Variants in SUMF1 observed in about 807,000 individuals in gnomAD.
SUMF1 encodes formylglycine-generating enzyme.
A neutral mutation model predicts 47.6 loss-of-function variants in SUMF1; 48 were observed. The observed-to-expected ratio is 1.01, with a 90% CI of 0.80 to 1.28. The LOEUF (loss-of-function observed/expected upper bound fraction) is 1.28. Ranked by LOEUF, SUMF1 falls within the 50% of genes most tolerant of loss-of-function variation. The pLI is 0.00. For missense variants in SUMF1, 571 were observed against 485.4 expected (o/e 1.18, Z -1.66); for synonymous variants, 230 against 192.1 (o/e 1.20, Z -1.63).
intron 8 of SUMF1, among the ~76,000 whole-genome samples, chr3:4,165,687 G>C (rs566994044): frequency 6.6e-5 from 10 of 152,182 alleles, no homozygotes; most frequent in Non-Finnish European, 1.0e-4. Context: ...TTCCCCATCA[G>C]AGAGAGAATA....
intron 7 of SUMF1, among the ~76,000 whole-genome samples, chr3:4,394,040 G>T (rs115898642): frequency 1.4e-4 from 21 of 152,106 alleles, no homozygotes; most frequent in Non-Finnish European, 2.6e-4. Context: ...TGTAAATGCT[G>T]ACTGAGTATT....
At chr3:4,143,980 T>TTC (rs200936820) in intron 8 of SUMF1, among the ~76,000 whole-genome samples, 1 of 144,982 alleles carries the variant, frequency 6.9e-6, no homozygotes, top group African/African-American at 2.6e-5. Flanking sequence ...GACCACTGTC[T>TTC]TCTCTCTCTT....
intron 8 of SUMF1, among the ~76,000 whole-genome samples, chr3:4,340,750 G>C (rs1166720978): frequency 6.6e-6 from 1 of 152,192 alleles, no homozygotes; most frequent in African/African-American, 2.4e-5. Flanking sequence ...GTGAGAGCAA[G>C]AATGACTCTG....
intron 8 of SUMF1, among the ~76,000 whole-genome samples, chr3:4,284,251 C>CA (rs995919173): frequency 1.4e-3 from 204 of 143,332 alleles, no homozygotes; most frequent in Non-Finnish European, 2.2e-3. Flanking sequence ...CCCATTTCTA[C>CA]AAAAAAAAAA....
chr3:4,138,736 G>C (rs759796495), intron 8 of SUMF1, among the ~76,000 whole-genome samples: 8 of 151,958 alleles, frequency 5.3e-5, no homozygotes, highest in Non-Finnish European at 7.4e-5. Context: ...TCCTTTGCCT[G>C]GTTCTAATTT....
intron 8 of SUMF1, among the ~76,000 whole-genome samples, chr3:4,273,776 G>GGGGAGGATACGGGAGGGGAGGATACGGGA (rs1697355733): frequency 1.1e-5 from 1 of 89,586 alleles, no homozygotes; most frequent in African/African-American, 4.5e-5. Context: ...GGATACGGGA[G>GGGGAGGATACGGGAGGGGAGGATACGGGA]GGGAGGATAC....
At chr3:4,066,092 AG>A (rs1324574138) in intron 9 of SUMF1, among the ~76,000 whole-genome samples, 2 of 152,100 alleles carry the variant, frequency 1.3e-5, no homozygotes. Flanking sequence ...AGGGTAGGGA[AG>A]GGTGAAAAGT....
At chr3:4,408,817 A>C (rs1701453607) in intron 7 of SUMF1, among the ~76,000 whole-genome samples, 1 of 151,738 alleles carries the variant, frequency 6.6e-6, no homozygotes. Flanking sequence ...CTAAAAATAC[A>C]AAAATTAGCT....
chr3:4,316,742 T>C, intron 8 of SUMF1: 1 of 1,550,718 alleles, frequency 6.4e-7, no homozygotes, highest in Non-Finnish European at 8.7e-7. Flanking sequence ...AAGAAGAAGC[T>C]CCAAAGCACT....
chr3:4,063,456 G>A (rs1173324372), intron 9 of SUMF1, among the ~76,000 whole-genome samples: 1 of 152,082 alleles, frequency 6.6e-6, no homozygotes, highest in Non-Finnish European at 1.5e-5. Flanking sequence ...ACCCCAAAGT[G>A]AACATGGGAT....
chr3:4,128,216 C>T (rs978737889), intron 8 of SUMF1, among the ~76,000 whole-genome samples: 1 of 152,160 alleles, frequency 6.6e-6, no homozygotes, highest in African/African-American at 2.4e-5. Flanking sequence ...GAGCTCTTAT[C>T]ATGCGAGTGA....
At chr3:4,293,488 C>G (rs1003783987) in intron 8 of SUMF1, among the ~76,000 whole-genome samples, 1 of 152,186 alleles carries the variant, frequency 6.6e-6, no homozygotes, top group African/African-American at 2.4e-5. Flanking sequence ...GAAATCACTT[C>G]TATGACCATT....
At chr3:4,049,915 A>G (rs1263088001) in intron 9 of SUMF1, among the ~76,000 whole-genome samples, 3 of 151,864 alleles carry the variant, frequency 2.0e-5, no homozygotes, top group Non-Finnish European at 4.4e-5. Flanking sequence ...TGGAAGGGGG[A>G]TGGAGTGGGA....
In SUMF1 at chr3:4,467,093, G is replaced by GCCGCAAGAAC; in HGVS notation, c.143_152dup (p.Cys52PhefsTer27). 6.4e-7 allele frequency: 1 copy of GCCGCAAGAAC among 1,562,206 alleles called. No individual in the cohort carries two copies. Among genetic ancestry groups the GCCGCAAGAAC allele is most frequent in the Non-Finnish European group, 8.7e-7 (1 of 1,154,618 alleles). ...CGCCAGGCCGCTGGGGCGTGCCGCA[G>GCCGCAAGAAC]CCGCAAGAACCCGCAAGGGACCCCG... On this transcript the variant is annotated frameshift_variant, in exon 1 of 9. Transcript: ENST00000272902. LOFTEE classifies it high-confidence loss of function.
chr3:4,290,579 C>G (rs1444236582), intron 8 of SUMF1, among the ~76,000 whole-genome samples: 1 of 152,128 alleles, frequency 6.6e-6, no homozygotes, highest in African/African-American at 2.4e-5. Flanking sequence ...TCCAGGTCTT[C>G]TGCCCCAAAT....
intron 7 of SUMF1, among the ~76,000 whole-genome samples, chr3:4,381,063 T>G (rs1405977491): frequency 6.6e-6 from 1 of 152,168 alleles, no homozygotes; most frequent in Non-Finnish European, 1.5e-5. Flanking sequence ...GACTGCACTC[T>G]GTGTAGTCAA....
chr3:4,117,618 C>T (rs1263968462), intron 8 of SUMF1, among the ~76,000 whole-genome samples: 6 of 152,030 alleles, frequency 3.9e-5, no homozygotes, highest in Non-Finnish European at 8.8e-5. Flanking sequence ...GGATTCACCA[C>T]CTCTCTGAGT....
intron 8 of SUMF1, among the ~76,000 whole-genome samples, chr3:4,146,592 T>A (rs1221121993): frequency 6.6e-6 from 1 of 152,030 alleles, no homozygotes; most frequent in Non-Finnish European, 1.5e-5. Flanking sequence ...ACGTGCTGGT[T>A]AGTTACATAT....
chr3:4,195,503 C>T (rs1012881339), intron 8 of SUMF1, among the ~76,000 whole-genome samples: 1 of 152,008 alleles, frequency 6.6e-6, no homozygotes, highest in African/African-American at 2.4e-5. Context: ...CCAGACTTGC[C>T]GTTTAACAAA....
Sources: gnomAD v4.1 joint callset for allele counts (sites outside exome capture counted in the v4.1 genomes callset) on GRCh38, gnomAD v4.1.1 for gene constraint, MANE v1.5 for transcripts, NCBI Gene and HGNC (gene_info 2026-07-23, HGNC 2026-07-21) for gene names.